The following AGBL1 variants were observed in gnomAD, a reference collection of about 807,000 sequenced individuals.
AGBL1 encodes the protein AGBL carboxypeptidase 1, also known as cytosolic carboxypeptidase 4.
In AGBL1, 130 loss-of-function variants were observed where a neutral mutation model predicts 118.9. The ratio of observed to expected loss-of-function variants is 1.09; its 90% CI spans 0.95 to 1.26. The LOEUF (loss-of-function observed/expected upper bound fraction) is 1.26, where lower values mean the gene tolerates loss of function less well. Ranked by LOEUF, AGBL1 falls within the 50% of genes most tolerant of loss-of-function variation. AGBL1 has a pLI of 0.00. For synonymous variants in AGBL1, 555 were observed against 478.9 expected, an observed-to-expected ratio of 1.16 and a Z score of -2.08; for missense variants, 1,584 against 1,298.1, an observed-to-expected ratio of 1.22 and a Z score of -3.38.
At chr15:86,248,887 C>T (rs1425096558) in intron 7 of AGBL1, among the ~76,000 whole-genome samples, 1 of 152,146 alleles carries the variant, frequency 6.6e-6, no homozygotes, top group Non-Finnish European at 1.5e-5. Flanking sequence ...GTCAAGTCAT[C>T]TCTGAGCAGA....
intron 22 of AGBL1, among the ~76,000 whole-genome samples, chr15:86,709,435 A>G (rs1320467681): frequency 6.6e-6 from 1 of 152,184 alleles, no homozygotes; most frequent in Non-Finnish European, 1.5e-5. Context: ...CAAGAGATCT[A>G]CTAATCAATA....
At position 86,234,975 on chromosome 15, in the gene AGBL1, A is replaced by C. The variant is rs567859707; in HGVS notation, c.526+10024A>C. 2.2e-4 allele frequency among the ~76,000 whole-genome samples: 33 copies of C among 152,210 alleles called. No homozygotes were observed. In the South Asian group the frequency reaches 5.6e-3, roughly 26 times the overall value. On this transcript the variant is annotated intron_variant, in intron 6 of 22. Transcript: ENST00000614907. ...TTTTAGAGTCTGTCTTTTTTTCAAGAAGCTTTTTCTGTAAAAGCGCCAGAT... is the reference window on the plus strand; with the variant it reads ...TTTTAGAGTCTGTCTTTTTTTCAAGCAGCTTTTTCTGTAAAAGCGCCAGAT...
chr15:86,203,828 C>G (rs1208240091), intron 5 of AGBL1, among the ~76,000 whole-genome samples: 1 of 152,114 alleles, frequency 6.6e-6, no homozygotes, highest in Non-Finnish European at 1.5e-5. Context: ...TACTATTTTA[C>G]TTTGAAGGAG....
chr15:86,974,593 A>G (rs1435681402), intron 23 of AGBL1, among the ~76,000 whole-genome samples: 1 of 139,964 alleles, frequency 7.1e-6, no homozygotes, highest in Non-Finnish European at 1.5e-5. Context: ...TAAAAATTAT[A>G]TATAATTATA....
intron 21 of AGBL1, among the ~76,000 whole-genome samples, chr15:86,596,607 A>G (rs2084409071): frequency 6.6e-6 from 1 of 151,948 alleles, no homozygotes; most frequent in African/African-American, 2.4e-5. Context: ...TTTTTTCCCC[A>G]GAGATATACT....
At chr15:86,935,400 T>A (rs1273893451) in intron 23 of AGBL1, among the ~76,000 whole-genome samples, 1 of 152,204 alleles carries the variant, frequency 6.6e-6, no homozygotes, top group African/African-American at 2.4e-5. Flanking sequence ...GAGAAAGGGA[T>A]GGCTTAGGAG....
chr15:86,865,830 C>G (rs1271595873), intron 22 of AGBL1, among the ~76,000 whole-genome samples: 1 of 152,224 alleles, frequency 6.6e-6, no homozygotes, highest in Non-Finnish European at 1.5e-5. Context: ...CTCTTCCTTT[C>G]TCTGCAGCTT....
chr15:86,460,784 G>T (rs1457646834), intron 18 of AGBL1, among the ~76,000 whole-genome samples: 1 of 152,168 alleles, frequency 6.6e-6, no homozygotes, highest in African/African-American at 2.4e-5. Context: ...TTCCTTTAGT[G>T]CTGGTTCTGT....
intron 1 of AGBL1, among the ~76,000 whole-genome samples, chr15:86,096,010 C>A (rs1211637382): frequency 1.3e-5 from 2 of 151,700 alleles, no homozygotes. Flanking sequence ...ATTTTTGGTT[C>A]AACTAAACTA....
chr15:87,028,890 G>C, exon 25 of AGBL1: 1 of 1,564,382 alleles, frequency 6.4e-7, no homozygotes, highest in Non-Finnish European at 8.8e-7. Context: ...CATGTGCCCA[G>C]CTCCTCCTGG....
intron 24 of AGBL1, among the ~76,000 whole-genome samples, chr15:86,991,069 C>G (rs756065176): frequency 6.6e-6 from 1 of 152,108 alleles, no homozygotes; most frequent in African/African-American, 2.4e-5. Context: ...TACCTAGGCT[C>G]TCTGATCCTG....
chr15:86,144,464 A>G (rs2077006435), intron 3 of AGBL1, among the ~76,000 whole-genome samples: 1 of 152,256 alleles, frequency 6.6e-6, no homozygotes, highest in Admixed American at 6.5e-5. Context: ...CACATACACC[A>G]TGGAATACTA....
At chr15:86,136,642 C>A (rs2076893015) in intron 1 of AGBL1, among the ~76,000 whole-genome samples, 1 of 152,126 alleles carries the variant, frequency 6.6e-6, no homozygotes, top group Non-Finnish European at 1.5e-5. Context: ...GCAGAGGTAC[C>A]CATGATACTC....
intron 22 of AGBL1, among the ~76,000 whole-genome samples, chr15:86,805,983 G>T (rs1348767634): frequency 6.6e-6 from 1 of 152,046 alleles, no homozygotes; most frequent in Non-Finnish European, 1.5e-5. Flanking sequence ...TGATTTCAGG[G>T]GCTCTTTCCC....
At chr15:86,916,714 A>G (rs1407107442), downstream of AGBL1, among the ~76,000 whole-genome samples, 1 of 152,028 alleles carries the variant, frequency 6.6e-6, no homozygotes, top group East Asian at 1.9e-4. Context: ...ACGAAATCTA[A>G]CCTCACTTCT....
chr15:86,488,972 G>A (rs985268751), intron 18 of AGBL1, among the ~76,000 whole-genome samples: 5 of 151,768 alleles, frequency 3.3e-5, no homozygotes, highest in Non-Finnish European at 5.9e-5. Context: ...TCATTTTATT[G>A]TGGATTTAAA....
intron 21 of AGBL1, among the ~76,000 whole-genome samples, chr15:86,670,836 T>C (rs1431959615): frequency 6.7e-6 from 1 of 150,278 alleles, no homozygotes; most frequent in East Asian, 1.9e-4. Flanking sequence ...TTTAGACATC[T>C]TTTTTGGACC....
chr15:86,180,052 CATAA>C (rs1016546186), intron 5 of AGBL1, among the ~76,000 whole-genome samples: 1 of 133,038 alleles, frequency 7.5e-6, no homozygotes, highest in East Asian at 2.2e-4. Flanking sequence ...TGAAAGAAGA[CATAA>C]ATAGAGAGAT....
chr15:86,849,957 A>G (rs914403011), intron 22 of AGBL1, among the ~76,000 whole-genome samples: 2 of 152,250 alleles, frequency 1.3e-5, no homozygotes, highest in Non-Finnish European at 2.9e-5. Flanking sequence ...AAAATAAGAA[A>G]AAAATTGTTA....
Sources: allele counts gnomAD v4.1 joint callset (sites outside exome capture counted in the v4.1 genomes callset), GRCh38; gene constraint gnomAD v4.1.1; transcripts MANE v1.5; gene names NCBI Gene and HGNC (gene_info 2026-07-23, HGNC 2026-07-21).